Variants in LRRC4C observed in about 807,000 individuals in gnomAD.
LRRC4C encodes leucine-rich repeat-containing protein 4C.
LRRC4C carries 5 observed loss-of-function variants against 33.6 expected under a neutral mutation model. The observed-to-expected ratio is 0.15, with a 90% CI of 0.08 to 0.31. The LOEUF (loss-of-function observed/expected upper bound fraction) is 0.31. LRRC4C is among the 10% of genes least tolerant of loss of function. The pLI, the probability that LRRC4C is intolerant of heterozygous loss-of-function variation, is 1.00. For synonymous variants in LRRC4C, 329 were observed against 302.0 expected, an observed-to-expected ratio of 1.09 and a Z score of -0.93; for missense variants, 560 against 796.7, an observed-to-expected ratio of 0.70 and a Z score of 3.58.
In LRRC4C at chr11:40,696,073, G is replaced by GTA. The variant is rs146792556; in HGVS notation, c.-406-47797_-406-47796dup. ...TGTGTGTGTGTGTATATATGAGTGT[G>GTA]TATATATATATATGAGTGTGTGTAT... On this transcript the variant is annotated intron_variant, in intron 2 of 6. Transcript: ENST00000528697. 4.5e-3 allele frequency among the ~76,000 whole-genome samples: 608 copies of GTA among 134,934 alleles called. 4 individuals are homozygous for GTA. The highest frequency in any genetic ancestry group is 0.016 in the African/African-American group (572 of 35,144). 88.5% of individuals were successfully genotyped at this position (134,934 alleles called of 152,430 possible). A position where few individuals can be genotyped will look rare whatever the true frequency, so the allele number is the denominator to read the frequency against.
chr11:40,430,261 A>T (rs1444838892), intron 3 of LRRC4C, among the ~76,000 whole-genome samples: 2 of 134,884 alleles, frequency 1.5e-5, no homozygotes, highest in African/African-American at 2.8e-5. Context: ...AAGTGCACGT[A>T]TGGGGGGGGT....
At chr11:41,138,277 A>T in intron 1 of LRRC4C, among the ~76,000 whole-genome samples, 1 of 152,346 alleles carries the variant, frequency 6.6e-6, no homozygotes, top group East Asian at 1.9e-4. Flanking sequence ...ACATTTGGAT[A>T]CAGGTAACGC....
At chr11:41,404,041 G>T (rs537183859) in intron 1 of LRRC4C, among the ~76,000 whole-genome samples, 1 of 152,198 alleles carries the variant, frequency 6.6e-6, no homozygotes, top group Non-Finnish European at 1.5e-5. Context: ...ATAAAACACA[G>T]TTGAGAAGTA....
chr11:40,554,938 G>C (rs1454107216), intron 3 of LRRC4C, among the ~76,000 whole-genome samples: 3 of 143,366 alleles, frequency 2.1e-5, no homozygotes, highest in African/African-American at 8.7e-5. Flanking sequence ...AGCCAGGATG[G>C]TCTCGATCTC....
chr11:40,708,345 C>A (rs888184663), intron 2 of LRRC4C, among the ~76,000 whole-genome samples: 60 of 149,588 alleles, frequency 4.0e-4, no homozygotes, highest in African/African-American at 1.5e-3. Context: ...CTTTTGTGGG[C>A]ATTTAGTGCT....
At chr11:40,691,209 A>C (rs117777418) in intron 2 of LRRC4C, among the ~76,000 whole-genome samples, 57 of 152,074 alleles carry the variant, frequency 3.7e-4, no homozygotes, top group African/African-American at 1.1e-3. Flanking sequence ...ACAAAAAAAA[A>C]CCCATGTCTT....
At chr11:40,370,032 C>A (rs10837390) in intron 3 of LRRC4C, among the ~76,000 whole-genome samples, 50,449 of 151,912 alleles carry the variant, frequency 0.33, 10,009 homozygotes, top group South Asian at 0.48. Context: ...AGTAAAATGG[C>A]ACTTTTTAGG....
At chr11:41,307,653 T>C (rs1320609279) in intron 1 of LRRC4C, among the ~76,000 whole-genome samples, 2 of 152,174 alleles carry the variant, frequency 1.3e-5, no homozygotes, top group African/African-American at 4.8e-5. Flanking sequence ...ACTTTGTGCA[T>C]GGCCTCTGTG....
At chr11:40,458,230 C>G (rs1952225843) in intron 3 of LRRC4C, among the ~76,000 whole-genome samples, 1 of 152,174 alleles carries the variant, frequency 6.6e-6, no homozygotes, top group East Asian at 1.9e-4. Context: ...GTGTGTGTGT[C>G]TGTGTGCGTG....
At chr11:40,723,633 A>T (rs1947139210) in intron 2 of LRRC4C, among the ~76,000 whole-genome samples, 1 of 152,174 alleles carries the variant, frequency 6.6e-6, no homozygotes, top group African/African-American at 2.4e-5. Flanking sequence ...AAGGAAAAAA[A>T]TTACACCTCC....
At chr11:41,040,638 G>A (rs1327367687) in intron 1 of LRRC4C, among the ~76,000 whole-genome samples, 1 of 152,082 alleles carries the variant, frequency 6.6e-6, no homozygotes, top group Non-Finnish European at 1.5e-5. Flanking sequence ...TCAAATAAAG[G>A]GAAAGTCTTG....
At chr11:40,947,973 T>A (rs1958486759) in intron 1 of LRRC4C, among the ~76,000 whole-genome samples, 1 of 152,174 alleles carries the variant, frequency 6.6e-6, no homozygotes, top group Admixed American at 6.6e-5. Flanking sequence ...GTCCTCATTT[T>A]TTTTCAGCTA....
At chr11:40,573,065 A>G (rs1284053616) in intron 3 of LRRC4C, among the ~76,000 whole-genome samples, 1 of 152,168 alleles carries the variant, frequency 6.6e-6, no homozygotes, top group Non-Finnish European at 1.5e-5. Context: ...GATAAAATAA[A>G]TTATTTCAAA....
rs71466923 is a variant in LRRC4C, at chr11:41,163,284, G to GTTTTTTTTTTTTTTTTTTTTTTTTTTT, written c.-495-229562_-495-229561insAAAAAAAAAAAAAAAAAAAAAAAAAAA. Among the ~76,000 whole-genome samples the GTTTTTTTTTTTTTTTTTTTTTTTTTTT allele has an allele frequency of 4.1e-5, 3 of 73,382 alleles. 1 individual carries two copies. The highest frequency in any genetic ancestry group is 7.3e-5 in the Non-Finnish European group (3 of 40,822). 48.1% of individuals were successfully genotyped at this position (73,382 alleles called of 152,430 possible). On this transcript the variant is annotated intron_variant, in intron 1 of 6. Transcript: ENST00000528697. ...GTAATAAACTTAGTTTACTGTAACT[G>GTTTTTTTTTTTTTTTTTTTTTTTTTTT]TTTTTTTTTTTTTTTTTCAAACAGG...
intron 1 of LRRC4C, among the ~76,000 whole-genome samples, chr11:40,975,152 G>A (rs1343797592): frequency 3.9e-5 from 6 of 152,112 alleles, no homozygotes; most frequent in Non-Finnish European, 7.4e-5. Flanking sequence ...ATCTATAGAT[G>A]TCTATCTAAT....
chr11:40,910,367 A>C (rs1386738049), intron 2 of LRRC4C, among the ~76,000 whole-genome samples: 2 of 152,134 alleles, frequency 1.3e-5, no homozygotes, highest in African/African-American at 2.4e-5. Flanking sequence ...CACATAGATG[A>C]AAAAAACCCG....
At chr11:41,430,718 C>T (rs1368245228) in intron 1 of LRRC4C, among the ~76,000 whole-genome samples, 3 of 152,026 alleles carry the variant, frequency 2.0e-5, no homozygotes, top group Non-Finnish European at 4.4e-5. Flanking sequence ...AAGAATATCA[C>T]TACAGTGAGG....
At chr11:40,968,244 G>T (rs1033817404) in intron 1 of LRRC4C, among the ~76,000 whole-genome samples, 2 of 152,068 alleles carry the variant, frequency 1.3e-5, no homozygotes, top group African/African-American at 4.8e-5. Context: ...ATTCTATAAA[G>T]ACTAAGAGAG....
chr11:40,549,518 T>A (rs1406710829), intron 3 of LRRC4C, among the ~76,000 whole-genome samples: 1 of 152,172 alleles, frequency 6.6e-6, no homozygotes, highest in Non-Finnish European at 1.5e-5. Flanking sequence ...AGGAACAGAT[T>A]GATGTTCAAG....
Sources: gnomAD v4.1 joint callset for allele counts (sites outside exome capture counted in the v4.1 genomes callset) on GRCh38, gnomAD v4.1.1 for gene constraint, MANE v1.5 for transcripts, NCBI Gene and HGNC (gene_info 2026-07-23, HGNC 2026-07-21) for gene names.